Variants in CNTN5 observed in about 807,000 individuals in gnomAD.
The protein encoded by CNTN5 is contactin-5.
Under a neutral mutation model 129.1 loss-of-function variants are expected in CNTN5, and 77 were observed. That is an observed-to-expected ratio of 0.60 (90% CI 0.50 to 0.72). The LOEUF (loss-of-function observed/expected upper bound fraction) is 0.72. CNTN5 is among the 30% of genes least tolerant of loss of function. The pLI is 0.00. For missense variants in CNTN5, 1,478 were observed against 1,328.8 expected (o/e 1.11, Z -1.75); for synonymous variants, 509 against 465.6 (o/e 1.09, Z -1.20).
chr11:99,709,220 C>G (rs557112205), intron 3 of CNTN5, among the ~76,000 whole-genome samples: 90 of 151,968 alleles, frequency 5.9e-4, no homozygotes, highest in Middle Eastern at 3.4e-3. Flanking sequence ...CAACTTTGTT[C>G]TTAACAAAAT....
chr11:99,424,007 G>A (rs1943011107), intron 2 of CNTN5, among the ~76,000 whole-genome samples: 1 of 152,124 alleles, frequency 6.6e-6, no homozygotes, highest in African/African-American at 2.4e-5. Context: ...CCCATTAGGT[G>A]TCTGAAACTT....
At chr11:99,223,429 A>AG (rs1475076062) in intron 1 of CNTN5, among the ~76,000 whole-genome samples, 2 of 152,194 alleles carry the variant, frequency 1.3e-5, no homozygotes, top group African/African-American at 4.8e-5. Flanking sequence ...AATTTGAAAA[A>AG]TAGTAGGGTT....
intron 1 of CNTN5, among the ~76,000 whole-genome samples, chr11:99,023,423 T>A (rs1269226252): frequency 6.6e-6 from 1 of 152,192 alleles, no homozygotes; most frequent in Non-Finnish European, 1.5e-5. Flanking sequence ...ACAGCTGACT[T>A]AGCAATATGG....
intron 13 of CNTN5, among the ~76,000 whole-genome samples, chr11:100,157,750 G>GCAAACACATGTTATAGAATGGATAGAA (rs1947304818): frequency 6.6e-6 from 1 of 151,722 alleles, no homozygotes; most frequent in Admixed American, 6.6e-5. Flanking sequence ...CAATTGGCTT[G>GCAAACACATGTTATAGAATGGATAGAA]CAAACACATG....
intron 9 of CNTN5, 105 bp from the exon 10 acceptor site, chr11:100,061,107 C>A: frequency 1.2e-6 from 1 of 862,474 alleles, no homozygotes; most frequent in Non-Finnish European, 1.7e-6. Context: ...ATTGTGATTA[C>A]ATTTTATTGC....
rs558689197 is a variant in CNTN5 at position 99,999,822 on chromosome 11, C to A, written c.878-2212C>A. The stretch of plus-strand genomic sequence containing the variant: ...CACATATACACCATGGAATACTACG[C>A]AGCCATAAAAAATGATGAGTTCATG... On this transcript the variant is annotated intron_variant, in intron 8 of 24. Transcript: ENST00000524871. Among the ~76,000 whole-genome samples, 172 of 152,110 alleles carry A rather than the reference C, an allele frequency of 1.1e-3. No individual in the cohort carries two copies. In the South Asian group the frequency reaches 0.012, roughly 10 times the overall value.
intron 8 of CNTN5, among the ~76,000 whole-genome samples, chr11:99,972,117 C>T (rs920969800): frequency 3.8e-5 from 5 of 131,910 alleles, no homozygotes; most frequent in African/African-American, 5.8e-5. Flanking sequence ...AAAAATTAGC[C>T]GGGCGTGGTG....
intron 3 of CNTN5, among the ~76,000 whole-genome samples, chr11:99,717,242 A>G (rs772055650): frequency 6.6e-6 from 1 of 152,090 alleles, no homozygotes; most frequent in Non-Finnish European, 1.5e-5. Context: ...AACTTTCAAG[A>G]GAATATGTTA....
intron 2 of CNTN5, among the ~76,000 whole-genome samples, chr11:99,527,284 G>T (rs1238720879): frequency 6.6e-6 from 1 of 152,214 alleles, no homozygotes; most frequent in Admixed American, 6.5e-5. Context: ...AGTCTTCAGG[G>T]TTTCCTTTCT....
chr11:100,150,621 AC>A (rs1947023618), intron 13 of CNTN5, among the ~76,000 whole-genome samples: 1 of 151,688 alleles, frequency 6.6e-6, no homozygotes, highest in Non-Finnish European at 1.5e-5. Flanking sequence ...ACAAATTTTT[AC>A]GGTCAGTCCT....
At chr11:100,068,787 T>C (rs1257919738) in intron 10 of CNTN5, among the ~76,000 whole-genome samples, 1 of 152,170 alleles carries the variant, frequency 6.6e-6, no homozygotes, top group Non-Finnish European at 1.5e-5. Flanking sequence ...AAATCCTGAC[T>C]ATGCTATGCC....
At chr11:99,691,017 T>C (rs1256348309) in intron 3 of CNTN5, among the ~76,000 whole-genome samples, 4 of 152,074 alleles carry the variant, frequency 2.6e-5, no homozygotes, top group Admixed American at 1.3e-4. Flanking sequence ...ATTTATTCTT[T>C]TCTTCTAGAT....
intron 3 of CNTN5, among the ~76,000 whole-genome samples, chr11:99,662,482 A>G (rs577325063): frequency 6.6e-6 from 1 of 151,626 alleles, no homozygotes; most frequent in South Asian, 2.1e-4. Flanking sequence ...AAACGTAACA[A>G]TGGTTATCAA....
At chr11:99,723,155 T>C (rs1436548238) in intron 3 of CNTN5, among the ~76,000 whole-genome samples, 1 of 152,100 alleles carries the variant, frequency 6.6e-6, no homozygotes, top group African/African-American at 2.4e-5. Context: ...TATGACCTGG[T>C]ATATAATTGA....
intron 15 of CNTN5, among the ~76,000 whole-genome samples, chr11:100,215,831 A>G (rs545434157): frequency 3.3e-4 from 50 of 152,298 alleles, no homozygotes; most frequent in African/African-American, 9.6e-4. Context: ...AAGGAATAAA[A>G]GGCAAAATAA....
chr11:100,081,362 C>A (rs1944358048), intron 13 of CNTN5, among the ~76,000 whole-genome samples: 1 of 152,048 alleles, frequency 6.6e-6, no homozygotes, highest in Admixed American at 6.6e-5. Context: ...AAAGCTAGAC[C>A]TCTGAAACTT....
chr11:99,399,562 C>G (rs1171714550), intron 2 of CNTN5, among the ~76,000 whole-genome samples: 3 of 151,522 alleles, frequency 2.0e-5, no homozygotes, highest in Non-Finnish European at 4.4e-5. Flanking sequence ...ATAACACATT[C>G]TAATTCTTTG....
chr11:99,806,474 T>C (rs1204054989), intron 3 of CNTN5, among the ~76,000 whole-genome samples: 1 of 152,120 alleles, frequency 6.6e-6, no homozygotes, highest in African/African-American at 2.4e-5. Context: ...CTGACTGATA[T>C]TTCTGAATCC....
chr11:99,091,609 TTGTC>T (rs1374576583), intron 1 of CNTN5, among the ~76,000 whole-genome samples: 1 of 152,032 alleles, frequency 6.6e-6, no homozygotes, highest in Non-Finnish European at 1.5e-5. Flanking sequence ...AAGGGAGAGG[TTGTC>T]TATCAGGAGC....
Sources: gnomAD v4.1 joint callset for allele counts (sites outside exome capture counted in the v4.1 genomes callset) on GRCh38, gnomAD v4.1.1 for gene constraint, MANE v1.5 for transcripts, NCBI Gene and HGNC (gene_info 2026-07-23, HGNC 2026-07-21) for gene names.